FAM114A1: variants seen among roughly 807,000 people sequenced by gnomAD.
FAM114A1 encodes the protein protein NOXP20.
FAM114A1 carries 62 observed loss-of-function variants against 64.3 expected under a neutral mutation model. That is an observed-to-expected ratio of 0.96 (90% CI 0.79 to 1.19). The LOEUF is 1.19. Among genes scored for constraint, FAM114A1 ranks in the 50% most tolerant of loss-of-function variants. FAM114A1 has a pLI of 0.00. For missense variants in FAM114A1, 645 were observed against 676.3 expected (o/e 0.95, Z 0.51); for synonymous variants, 254 against 251.1 (o/e 1.01, Z -0.11).
intron 8 of FAM114A1, 142 bp from the exon 9 acceptor site, chr4:38,922,628 A>C (rs183711653): frequency 2.0e-6 from 2 of 1,017,260 alleles, no homozygotes; most frequent in African/African-American, 1.6e-5. Flanking sequence ...CACAGTTAAC[A>C]TGCATCAAGC....
At chr4:38,903,717 A>C (rs1717721725) in intron 4 of FAM114A1, among the ~76,000 whole-genome samples, 1 of 152,222 alleles carries the variant, frequency 6.6e-6, no homozygotes, top group Non-Finnish European at 1.5e-5. Flanking sequence ...TTCAAGCCTT[A>C]ACAGTCGCAA....
chr4:38,900,953 A>G (rs1717455679), intron 4 of FAM114A1, among the ~76,000 whole-genome samples: 1 of 152,204 alleles, frequency 6.6e-6, no homozygotes, highest in African/African-American at 2.4e-5. Flanking sequence ...ACCACAAAAA[A>G]AAAATGGAGT....
At chr4:38,929,117 T>C (rs747279037) in intron 9 of FAM114A1, 125 bp from the exon 10 acceptor site, 22 of 715,506 alleles carry the variant, frequency 3.1e-5, no homozygotes, top group Non-Finnish European at 5.2e-5. Flanking sequence ...GCCCAGCGGC[T>C]GGCGGGCAGG....
intron 1 of FAM114A1, 183 bp downstream of exon 1, chr4:38,868,017 G>C: frequency 2.4e-6 from 1 of 421,302 alleles, no homozygotes; most frequent in Non-Finnish European, 4.8e-6. Context: ...TGAGGGTCTG[G>C]GGCGGCGCGG....
chr4:38,923,598 C>A (rs1426714985), intron 9 of FAM114A1, among the ~76,000 whole-genome samples: 1 of 152,064 alleles, frequency 6.6e-6, no homozygotes, highest in Non-Finnish European at 1.5e-5. Flanking sequence ...CAAATCTTTC[C>A]CTGAATTTTT....
At chr4:38,925,127 GA>G (rs560327060) in intron 9 of FAM114A1, among the ~76,000 whole-genome samples, 225 of 152,314 alleles carry the variant, frequency 1.5e-3, no homozygotes, top group African/African-American at 5.1e-3. Context: ...TATACACATA[GA>G]AAAACCTGAA....
At chr4:38,907,908 T>C (rs1328548819) in intron 6 of FAM114A1, among the ~76,000 whole-genome samples, 1 of 152,208 alleles carries the variant, frequency 6.6e-6, no homozygotes, top group African/African-American at 2.4e-5. Context: ...GTCTGGGTTA[T>C]TTTAATTTTT....
At chr4:38,915,514 T>C (rs1027720784) in intron 8 of FAM114A1, among the ~76,000 whole-genome samples, 4 of 152,134 alleles carry the variant, frequency 2.6e-5, no homozygotes, top group African/African-American at 4.8e-5. Context: ...ATGGGTTATA[T>C]AGTTATTTAT....
At chr4:38,874,175 A>G (rs1280165440) in intron 2 of FAM114A1, among the ~76,000 whole-genome samples, 1 of 152,236 alleles carries the variant, frequency 6.6e-6, no homozygotes, top group African/African-American at 2.4e-5. Flanking sequence ...AGAATTTACT[A>G]AAAGTGTGAC....
intron 14 of FAM114A1, among the ~76,000 whole-genome samples, chr4:38,942,351 G>A (rs1046653833): frequency 6.6e-5 from 10 of 152,072 alleles, no homozygotes; most frequent in Non-Finnish European, 1.5e-4. Flanking sequence ...GGATGCGGCC[G>A]CACAGTGGGA....
intron 2 of FAM114A1, among the ~76,000 whole-genome samples, chr4:38,870,107 AG>A (rs1713883040): frequency 6.6e-6 from 1 of 152,210 alleles, no homozygotes; most frequent in Non-Finnish European, 1.5e-5. Flanking sequence ...CTGGGACCAG[AG>A]GCCACATCCC....
At chr4:38,900,176 T>C (rs1264566084) in intron 4 of FAM114A1, among the ~76,000 whole-genome samples, 1 of 151,972 alleles carries the variant, frequency 6.6e-6, no homozygotes, top group Non-Finnish European at 1.5e-5. Context: ...AATGACGTTT[T>C]GAAAATTTTT....
intron 8 of FAM114A1, among the ~76,000 whole-genome samples, chr4:38,918,890 G>A (rs1719322986): frequency 6.6e-6 from 1 of 152,062 alleles, no homozygotes; most frequent in Non-Finnish European, 1.5e-5. Flanking sequence ...AGTGGCTCAC[G>A]CCTGTAATCC....
At chr4:38,901,610 A>G (rs1215098009) in intron 4 of FAM114A1, among the ~76,000 whole-genome samples, 1 of 152,150 alleles carries the variant, frequency 6.6e-6, no homozygotes, top group African/African-American at 2.4e-5. Context: ...TCTTTTTGCA[A>G]ATTATTTCAT....
Position 38,927,095 on chromosome 4 carries a change from G to A in FAM114A1, c.1070-2147G>A, listed in dbSNP as rs552059081. Among the ~76,000 whole-genome samples, 5 of 152,176 alleles carry A rather than the reference G, an allele frequency of 3.3e-5. No individual in the cohort carries two copies. In the East Asian group the frequency reaches 5.8e-4, roughly 18 times the overall value. On this transcript the variant is annotated intron_variant, in intron 9 of 14. Transcript: ENST00000358869. The stretch of plus-strand genomic sequence containing the variant: ...GGATGAACCAGGCATACTCCCTCCT[G>A]GACTCTACTCTTGCTACACTGCAGC...
intron 14 of FAM114A1, among the ~76,000 whole-genome samples, chr4:38,942,767 T>TTATC (rs1201121192): frequency 6.6e-6 from 1 of 152,208 alleles, no homozygotes; most frequent in Non-Finnish European, 1.5e-5. Context: ...CCATTCTTGC[T>TTATC]TATCTATCTG....
At chr4:38,928,170 G>A (rs1187784881) in intron 9 of FAM114A1, among the ~76,000 whole-genome samples, 1 of 152,214 alleles carries the variant, frequency 6.6e-6, no homozygotes, top group African/African-American at 2.4e-5. Flanking sequence ...AGGGCTGGAT[G>A]CAGTGTTTCT....
intron 9 of FAM114A1, 85 bp from the exon 10 acceptor site, chr4:38,929,157 G>A (rs887769299): frequency 1.9e-6 from 2 of 1,053,428 alleles, no homozygotes; most frequent in Admixed American, 1.7e-5. Flanking sequence ...GTCTACCCCA[G>A]CTGCAGGCTG....
At chr4:38,933,512 T>C (rs1446578523) in intron 12 of FAM114A1, among the ~76,000 whole-genome samples, 2 of 152,224 alleles carry the variant, frequency 1.3e-5, no homozygotes, top group Non-Finnish European at 2.9e-5. Flanking sequence ...TGTGCATGTA[T>C]GTGTTGTCCT....
Sources: allele counts gnomAD v4.1 joint callset (sites outside exome capture counted in the v4.1 genomes callset), GRCh38; gene constraint gnomAD v4.1.1; transcripts MANE v1.5; gene names NCBI Gene and HGNC (gene_info 2026-07-23, HGNC 2026-07-21).